The following GALNT11 variants were observed in gnomAD, a reference collection of about 807,000 sequenced individuals.
GALNT11 encodes the protein polypeptide N-acetylgalactosaminyltransferase 11, also known as UDP-GalNAc:polypeptide N-acetylgalactosaminyltransferase 11.
Under a neutral mutation model 72.7 loss-of-function variants are expected in GALNT11, and 47 were observed. That is an observed-to-expected ratio of 0.65 (90% CI 0.51 to 0.82). The LOEUF (loss-of-function observed/expected upper bound fraction) is 0.82, where lower values mean the gene tolerates loss of function less well. Among genes scored for constraint, GALNT11 ranks in the 40% least tolerant of loss-of-function variants. GALNT11 has a pLI of 0.00. For missense variants in GALNT11, 677 were observed against 778.4 expected (o/e 0.87, Z 1.55); for synonymous variants, 270 against 286.6 (o/e 0.94, Z 0.58).
chr7:152,070,433 T>TA (rs778310279), intron 1 of GALNT11, among the ~76,000 whole-genome samples: 1 of 152,206 alleles, frequency 6.6e-6, no homozygotes, highest in Non-Finnish European at 1.5e-5. Context: ...CTCAGGGGAC[T>TA]AAACTCAAGG....
At chr7:152,102,488 G>A (rs1052577584) in intron 3 of GALNT11, among the ~76,000 whole-genome samples, 1 of 152,064 alleles carries the variant, frequency 6.6e-6, no homozygotes, top group Non-Finnish European at 1.5e-5. Context: ...GTTGCAGTGA[G>A]CCGAGATCGC....
intron 1 of GALNT11, among the ~76,000 whole-genome samples, chr7:152,093,536 C>T (rs371152469): frequency 2.2e-4 from 33 of 152,212 alleles, no homozygotes; most frequent in African/African-American, 7.9e-4. Flanking sequence ...AGAGGTTCTG[C>T]AGCCTCAGCC....
intron 1 of GALNT11, among the ~76,000 whole-genome samples, chr7:152,084,523 G>A (rs1483660752): frequency 2.0e-5 from 3 of 151,762 alleles, no homozygotes; most frequent in South Asian, 2.1e-4. Context: ...GGAAGACTTC[G>A]TACTTTTGTT....
chr7:152,064,738 T>C (rs1295449214), intron 1 of GALNT11, among the ~76,000 whole-genome samples: 1 of 152,228 alleles, frequency 6.6e-6, no homozygotes, highest in African/African-American at 2.4e-5. Flanking sequence ...GATATGAAAT[T>C]CTGGGTTGAA....
At chr7:152,059,347 C>A (rs962436329) in intron 1 of GALNT11, among the ~76,000 whole-genome samples, 1 of 152,020 alleles carries the variant, frequency 6.6e-6, no homozygotes, top group Non-Finnish European at 1.5e-5. Flanking sequence ...AGTAACCCTC[C>A]CACCTCCACC....
intron 1 of GALNT11, among the ~76,000 whole-genome samples, chr7:152,037,808 A>G (rs2079843): frequency 1 from 151,697 of 152,040 alleles, 75,678 homozygotes; most frequent in Middle Eastern, 1. Flanking sequence ...TTGCTTTGTC[A>G]CCCAGGTTGG....
intron 1 of GALNT11, among the ~76,000 whole-genome samples, chr7:152,066,404 G>A (rs975010894): frequency 3.3e-5 from 5 of 152,192 alleles, no homozygotes; most frequent in Admixed American, 2.0e-4. Flanking sequence ...GCGATGCCTC[G>A]CCCTGCTTTG....
intron 1 of GALNT11, among the ~76,000 whole-genome samples, chr7:152,073,452 C>G (rs1359874935): frequency 6.6e-6 from 1 of 152,198 alleles, no homozygotes; most frequent in Non-Finnish European, 1.5e-5. Flanking sequence ...CCAGTTCCAT[C>G]CATGTTGCTG....
chr7:152,093,139 G>T (rs1319052460), intron 1 of GALNT11, among the ~76,000 whole-genome samples: 3 of 151,472 alleles, frequency 2.0e-5, no homozygotes, highest in Non-Finnish European at 4.4e-5. Flanking sequence ...TGAGGCAGGA[G>T]AATCACTTGA....
chr7:152,093,334 T>A (rs2086164999), intron 1 of GALNT11, among the ~76,000 whole-genome samples: 1 of 152,206 alleles, frequency 6.6e-6, no homozygotes, highest in Non-Finnish European at 1.5e-5. Flanking sequence ...ACTTGAACTC[T>A]TTATTTGAAA....
At chr7:152,063,740 A>G (rs1329772232) in intron 1 of GALNT11, among the ~76,000 whole-genome samples, 1 of 152,198 alleles carries the variant, frequency 6.6e-6, no homozygotes, top group African/African-American at 2.4e-5. Context: ...ATTCAGGAGC[A>G]GGTTGTTCAG....
intron 1 of GALNT11, among the ~76,000 whole-genome samples, chr7:152,082,281 C>T (rs1462105642): frequency 1.3e-5 from 2 of 152,174 alleles, no homozygotes; most frequent in Non-Finnish European, 2.9e-5. Flanking sequence ...AGAAAGGGTA[C>T]ACTTACCAGC....
chr7:152,027,963 T>C lies in GALNT11; in HGVS notation c.-39+2079T>C, dbSNP rs540766912. Among the ~76,000 whole-genome samples the C allele has an allele frequency of 4.6e-5, 7 of 152,286 alleles. No homozygotes were observed. The South Asian group carries it at 1.2e-3, about 27-fold the overall frequency. ...ACCTGCAGACCTTCGCAGTGAGTGT[T>C]ACAGGTCTTAAAGGTGGCATGTCGA... On this transcript the variant is annotated intron_variant, in intron 1 of 11. Transcript: ENST00000430044.
At chr7:152,075,532 T>C (rs943532061) in intron 1 of GALNT11, among the ~76,000 whole-genome samples, 1 of 149,686 alleles carries the variant, frequency 6.7e-6, no homozygotes, top group African/African-American at 2.5e-5. Context: ...CTGGGCCCCG[T>C]GGCTCCCGCC....
chr7:152,116,678 A>G (rs1489256613), intron 8 of GALNT11, among the ~76,000 whole-genome samples: 1 of 152,238 alleles, frequency 6.6e-6, no homozygotes, highest in Non-Finnish European at 1.5e-5. Flanking sequence ...AATTTTAAAA[A>G]TACATATATT....
chr7:152,048,032 A>G (rs1430927153), intron 1 of GALNT11, among the ~76,000 whole-genome samples: 1 of 151,954 alleles, frequency 6.6e-6, no homozygotes, highest in Non-Finnish European at 1.5e-5. Context: ...CTTATTGTGC[A>G]TTAATGTCCT....
At chr7:152,056,197 C>T (rs1401388758) in intron 1 of GALNT11, among the ~76,000 whole-genome samples, 4 of 152,144 alleles carry the variant, frequency 2.6e-5, no homozygotes, top group African/African-American at 9.7e-5. Context: ...GAATCCAGCC[C>T]CAGCATCACA....
chr7:152,121,017 T>G (rs148155799), intron 11 of GALNT11, 49 bp downstream of exon 11: 1 of 1,590,418 alleles, frequency 6.3e-7, no homozygotes, highest in East Asian at 2.3e-5. Context: ...GCCCACAAGG[T>G]TGAGTGAGGG....
intron 1 of GALNT11, among the ~76,000 whole-genome samples, chr7:152,079,912 A>G (rs2085219372): frequency 6.6e-6 from 1 of 152,232 alleles, no homozygotes; most frequent in Admixed American, 6.5e-5. Context: ...TTGTAATGCA[A>G]GAGTATCTTA....
Sources: allele counts gnomAD v4.1 joint callset (sites outside exome capture counted in the v4.1 genomes callset), GRCh38; gene constraint gnomAD v4.1.1; transcripts MANE v1.5; gene names NCBI Gene and HGNC (gene_info 2026-07-23, HGNC 2026-07-21).